TENM4: variants seen among roughly 807,000 people sequenced by gnomAD.
The protein encoded by TENM4 is teneurin-4.
TENM4 carries 82 observed loss-of-function variants against 243.3 expected under a neutral mutation model. The observed-to-expected ratio is 0.34, with a 90% CI of 0.28 to 0.40. The LOEUF is 0.40. Among genes scored for constraint, TENM4 ranks in the 10% least tolerant of loss-of-function variants. The pLI is 1.00. For missense variants in TENM4, 3,138 were observed against 3,673.3 expected (o/e 0.85, Z 3.77); for synonymous variants, 1,412 against 1,456.3 (o/e 0.97, Z 0.69).
intron 4 of TENM4, among the ~76,000 whole-genome samples, chr11:79,075,413 C>CATTTAACTT (rs1860515573): frequency 6.6e-6 from 1 of 152,176 alleles, no homozygotes; most frequent in Non-Finnish European, 1.5e-5. Flanking sequence ...GGGCACAGGA[C>CATTTAACTT]ATTTAACTTA....
intron 29 of TENM4, among the ~76,000 whole-genome samples, chr11:78,685,503 G>GT (rs1858643489): frequency 6.6e-6 from 1 of 152,230 alleles, no homozygotes; most frequent in Non-Finnish European, 1.5e-5. Context: ...ATATTTTAAT[G>GT]TTTTTTTGAA....
intron 1 of TENM4, among the ~76,000 whole-genome samples, chr11:79,303,203 G>A (rs1453334843): frequency 6.6e-6 from 1 of 152,328 alleles, no homozygotes; most frequent in Admixed American, 6.5e-5. Flanking sequence ...ATTCCAGGAA[G>A]AGGAACTGGA....
intron 2 of TENM4, among the ~76,000 whole-genome samples, chr11:79,282,725 C>A (rs769041229): frequency 6.6e-6 from 1 of 151,986 alleles, no homozygotes; most frequent in South Asian, 2.1e-4. Flanking sequence ...AGCATGTGGT[C>A]CAGAGGCCAA....
rs1325320044 is a variant in TENM4 at position 78,658,061 on chromosome 11, C to T, written c.8307G>A (p.Arg2769=). ...HFMRQSEMGR[R] is the part of the protein sequence containing the mutation. ...AAGAAGTCCTTGGTCCTCTCTGTCA[C>T]CTCCGGCCCATCTCGCTCTGTCTCA... is the stretch of plus-strand genomic sequence containing the variant. Residue 2769 remains arginine (R), a synonymous_variant, in exon 34 of 34, where the codon AGG becomes AGA. Transcript: ENST00000278550. The T allele has an allele frequency of 1.9e-5, 31 of 1,612,034 alleles. No homozygotes were observed. The highest frequency in any genetic ancestry group is 2.6e-5 in the Non-Finnish European group (31 of 1,178,826).
intron 28 of TENM4, among the ~76,000 whole-genome samples, chr11:78,690,045 G>C (rs564974701): frequency 1.3e-5 from 2 of 152,104 alleles, no homozygotes; most frequent in Non-Finnish European, 2.9e-5. Context: ...TGGGTGGTTG[G>C]GGGCTTCAAA....
In TENM4 at chr11:79,201,134, G is replaced by T. The variant is rs553283101; in HGVS notation, c.-163+14674C>A. Reference sequence around the variant, plus strand: ...GGACATCACACAACACAGAGAATATGATCTTGGCTGGAAGAAGGCAGTTGG... The same window carrying T: ...GGACATCACACAACACAGAGAATATTATCTTGGCTGGAAGAAGGCAGTTGG... On this transcript the variant is annotated intron_variant, in intron 3 of 33. Transcript: ENST00000278550. 1.9e-4 allele frequency among the ~76,000 whole-genome samples: 29 copies of T among 152,318 alleles called. No homozygotes were observed. The East Asian group carries it at 5.6e-3, about 29-fold the overall frequency.
intron 6 of TENM4, among the ~76,000 whole-genome samples, chr11:78,947,356 A>T (rs1857021646): frequency 6.6e-6 from 1 of 152,120 alleles, no homozygotes; most frequent in African/African-American, 2.4e-5. Flanking sequence ...TCACAACAGA[A>T]CCCTCCAACT....
intron 6 of TENM4, among the ~76,000 whole-genome samples, chr11:79,017,340 T>C (rs529767972): frequency 2.6e-5 from 4 of 152,192 alleles, no homozygotes; most frequent in Non-Finnish European, 5.9e-5. Flanking sequence ...TGCAGGGCTT[T>C]TCCAGGGAAG....
At chr11:78,866,612 G>C (rs1591083261) in intron 9 of TENM4, among the ~76,000 whole-genome samples, 1 of 152,130 alleles carries the variant, frequency 6.6e-6, no homozygotes, top group African/African-American at 2.4e-5. Flanking sequence ...GGAGACATGG[G>C]GGGAGGGGTG....
chr11:79,257,068 G>A (rs1377983410), intron 2 of TENM4, among the ~76,000 whole-genome samples: 1 of 152,118 alleles, frequency 6.6e-6, no homozygotes, highest in Admixed American at 6.5e-5. Flanking sequence ...ATGAAGGAAG[G>A]CAGGAGCATT....
intron 20 of TENM4, among the ~76,000 whole-genome samples, chr11:78,737,710 C>T (rs1436696705): frequency 6.6e-6 from 1 of 152,182 alleles, no homozygotes; most frequent in African/African-American, 2.4e-5. Flanking sequence ...GTCACCATCA[C>T]TTACTCATTC....
intron 2 of TENM4, among the ~76,000 whole-genome samples, chr11:79,238,638 T>C (rs553968610): frequency 8.5e-5 from 13 of 152,190 alleles, no homozygotes; most frequent in African/African-American, 2.9e-4. Context: ...GCCCTCATAA[T>C]TGCCAAACCT....
At chr11:78,718,313 ATCT>A (rs1316188969) in intron 25 of TENM4, among the ~76,000 whole-genome samples, 1 of 152,160 alleles carries the variant, frequency 6.6e-6, no homozygotes, top group Non-Finnish European at 1.5e-5. Context: ...ACTTTGGTTC[ATCT>A]TAGAAAGTTT....
chr11:79,307,412 T>G (rs964257738), intron 1 of TENM4, among the ~76,000 whole-genome samples: 4 of 152,128 alleles, frequency 2.6e-5, no homozygotes, highest in African/African-American at 9.7e-5. Context: ...CACCGCTCTC[T>G]CCTGCACTGA....
intron 6 of TENM4, among the ~76,000 whole-genome samples, chr11:79,031,673 C>A (rs1859241131): frequency 6.6e-6 from 1 of 152,162 alleles, no homozygotes; most frequent in Non-Finnish European, 1.5e-5. Context: ...TGTGGAAGGA[C>A]AGTGGGACTT....
At chr11:79,219,330 CAGTG>C (rs1399076997) in intron 2 of TENM4, among the ~76,000 whole-genome samples, 4 of 152,170 alleles carry the variant, frequency 2.6e-5, no homozygotes, top group Non-Finnish European at 5.9e-5. Context: ...GGTCATTGTT[CAGTG>C]AGTAATAGGG....
At chr11:78,780,408 T>C (rs1401049030) in intron 16 of TENM4, among the ~76,000 whole-genome samples, 1 of 152,236 alleles carries the variant, frequency 6.6e-6, no homozygotes, top group African/African-American at 2.4e-5. Context: ...AGCTTTCTTA[T>C]CTGCAGAATT....
chr11:79,403,631 C>T (rs530678623), intron 1 of TENM4, among the ~76,000 whole-genome samples: 166 of 152,222 alleles, frequency 1.1e-3, no homozygotes, highest in African/African-American at 3.9e-3. Context: ...CAAGAGGTAG[C>T]CCACCCCTCG....
chr11:78,735,194 C>A (rs1051950205), intron 20 of TENM4, among the ~76,000 whole-genome samples: 1 of 152,212 alleles, frequency 6.6e-6, no homozygotes, highest in Non-Finnish European at 1.5e-5. Context: ...GGAGCTATCA[C>A]CCGTTTGCCT....
Sources: allele counts gnomAD v4.1 joint callset (sites outside exome capture counted in the v4.1 genomes callset), GRCh38; gene constraint gnomAD v4.1.1; transcripts MANE v1.5; gene names NCBI Gene and HGNC (gene_info 2026-07-23, HGNC 2026-07-21).